Variants in OLA1 observed in about 807,000 individuals in gnomAD.
OLA1 encodes obg-like ATPase 1.
Under a neutral mutation model 48.4 loss-of-function variants are expected in OLA1, and 14 were observed. That is an observed-to-expected ratio of 0.29 (90% confidence interval 0.19 to 0.45). The LOEUF (loss-of-function observed/expected upper bound fraction) is 0.45. Among genes scored for constraint, OLA1 ranks in the 20% least tolerant of loss-of-function variants. OLA1 has a pLI of 1.00. For missense variants in OLA1, 325 were observed against 467.1 expected (o/e 0.70, Z 2.80); for synonymous variants, 127 against 150.4 (o/e 0.84, Z 1.14).
intron 8 of OLA1, among the ~76,000 whole-genome samples, 162 bp from the exon 9 acceptor site, chr2:174,081,410 GT>G (rs1684850609): frequency 6.6e-6 from 1 of 151,996 alleles, no homozygotes; most frequent in South Asian, 2.1e-4. Context: ...GCAAGTAACT[GT>G]TTTTAAAAAC....
intron 3 of OLA1, among the ~76,000 whole-genome samples, chr2:174,224,827 G>A (rs1688580157): frequency 6.6e-6 from 1 of 152,178 alleles, no homozygotes; most frequent in Non-Finnish European, 1.5e-5. Flanking sequence ...AGAGGGGAAA[G>A]AAGCCAGGCC....
At chr2:174,086,840 T>C (rs891708945) in intron 7 of OLA1, among the ~76,000 whole-genome samples, 1 of 152,148 alleles carries the variant, frequency 6.6e-6, no homozygotes, top group African/African-American at 2.4e-5. Flanking sequence ...AGACTGCGGT[T>C]GACAGCGGGA....
At chr2:174,136,427 T>G (rs1243729183) in intron 5 of OLA1, among the ~76,000 whole-genome samples, 1 of 152,212 alleles carries the variant, frequency 6.6e-6, no homozygotes, top group Non-Finnish European at 1.5e-5. Context: ...AGAAACCACT[T>G]TCTTTGCTCA....
At chr2:174,095,878 A>T (rs767558105) in intron 7 of OLA1, among the ~76,000 whole-genome samples, 16 of 152,162 alleles carry the variant, frequency 1.1e-4, no homozygotes, top group Non-Finnish European at 1.8e-4. Flanking sequence ...ATTTGAATAG[A>T]CAGGTCTCCC....
At chr2:174,217,503 G>C (rs1199331978) in intron 4 of OLA1, among the ~76,000 whole-genome samples, 2 of 152,102 alleles carry the variant, frequency 1.3e-5, no homozygotes, top group Non-Finnish European at 2.9e-5. Context: ...TATAAGAAAA[G>C]TTTTCTTTCC....
intron 4 of OLA1, among the ~76,000 whole-genome samples, chr2:174,194,304 A>G (rs1687836889): frequency 6.6e-6 from 1 of 152,178 alleles, no homozygotes; most frequent in Non-Finnish European, 1.5e-5. Context: ...GCCTTCACGG[A>G]CATCACAAAT....
chr2:174,218,603 T>G (rs912252261), intron 4 of OLA1, among the ~76,000 whole-genome samples: 1 of 152,200 alleles, frequency 6.6e-6, no homozygotes, highest in African/African-American at 2.4e-5. Context: ...CTGCACATAT[T>G]CAAACAAGAA....
At chr2:174,144,981 T>TATAA (rs1225168099) in intron 4 of OLA1, among the ~76,000 whole-genome samples, 15 of 108,102 alleles carry the variant, frequency 1.4e-4, no homozygotes, top group African/African-American at 3.7e-4. Flanking sequence ...TATATATATA[T>TATAA]AATCACGGAA....
Position 174,075,155 on chromosome 2 carries a change from T to C in OLA1, c.*271A>G, listed in dbSNP as rs1473812525. 3 of 329,678 alleles carry C rather than the reference T, an allele frequency of 9.1e-6. No individual in the cohort carries two copies. Among genetic ancestry groups the C allele is most frequent in the Admixed American group, 9.2e-5 (2 of 21,644 alleles). The allele number at this position is 329,678 out of a possible 1,614,324, so 20.4% of individuals were successfully genotyped here. ...CATGATGGAGATTAATGAAGTATCA[T>C]GAGAGTAATATGGTTCCTGAAAAGC... On this transcript the variant is annotated 3_prime_UTR_variant, in exon 11 of 11. Coordinates refer to ENST00000284719, the MANE Select transcript of OLA1 (RefSeq NM_013341.5).
intron 2 of OLA1, among the ~76,000 whole-genome samples, chr2:174,241,633 C>T (rs1413049882): frequency 2.0e-5 from 3 of 151,994 alleles, no homozygotes; most frequent in Non-Finnish European, 4.4e-5. Flanking sequence ...TCAGAGTAAT[C>T]GTTTTTTGTT....
chr2:174,124,730 A>G (rs1361147166), intron 5 of OLA1, among the ~76,000 whole-genome samples: 1 of 152,190 alleles, frequency 6.6e-6, no homozygotes, highest in Non-Finnish European at 1.5e-5. Context: ...AATTATTAGT[A>G]ATCAATTTCC....
chr2:174,203,465 CT>C (rs71021678), intron 4 of OLA1, among the ~76,000 whole-genome samples: 2,247 of 140,454 alleles, frequency 0.016, 22 homozygotes, highest in Non-Finnish European at 0.021. Context: ...TAGCTAACAT[CT>C]TTTTTTTTTT....
intron 7 of OLA1, among the ~76,000 whole-genome samples, chr2:174,105,193 A>G (rs1283267874): frequency 6.6e-6 from 1 of 151,996 alleles, no homozygotes; most frequent in African/African-American, 2.4e-5. Context: ...AATAGAAAAA[A>G]AAAGGTAGAA....
At position 174,171,752 on chromosome 2, in the gene OLA1, GGA is replaced by G. The variant is rs572623121; in HGVS notation, c.374-29754_374-29753del. ...CCAAACAGGCGTTTGATGGGCAGCA[GGA>G]GAGGAGAGTGGACTCCAGAGAGCCC... On this transcript the variant is annotated intron_variant, in intron 4 of 10. Coordinates refer to ENST00000284719, the MANE Select transcript of OLA1 (RefSeq NM_013341.5). The G allele has an allele frequency of 3.9e-5, 6 of 152,366 alleles. No homozygotes were observed. In the East Asian group the frequency reaches 1.2e-3, roughly 29 times the overall value. The allele number at this position is 152,366 out of a possible 1,614,324, so 9.4% of individuals were successfully genotyped here. A position where few individuals can be genotyped will look rare whatever the true frequency, so the allele number is the denominator to read the frequency against.
chr2:174,203,103 T>C (rs1688027065), intron 4 of OLA1, among the ~76,000 whole-genome samples: 1 of 152,040 alleles, frequency 6.6e-6, no homozygotes, highest in African/African-American at 2.4e-5. Context: ...TGTCATTTAC[T>C]GAAAAAAAAA....
intron 4 of OLA1, among the ~76,000 whole-genome samples, chr2:174,187,145 T>C (rs972817677): frequency 1.3e-5 from 2 of 152,192 alleles, no homozygotes; most frequent in African/African-American, 2.4e-5. Context: ...AGACACTCTA[T>C]TCAATTTTTA....
chr2:174,099,775 C>T (rs1685348946), intron 7 of OLA1, among the ~76,000 whole-genome samples: 1 of 152,118 alleles, frequency 6.6e-6, no homozygotes, highest in Admixed American at 6.5e-5. Context: ...GATTTCTGCT[C>T]TTAGTATCAA....
At chr2:174,211,211 T>A (rs923976815) in intron 4 of OLA1, among the ~76,000 whole-genome samples, 20 of 138,840 alleles carry the variant, frequency 1.4e-4, no homozygotes, top group Non-Finnish European at 1.5e-4. Flanking sequence ...ACACACTCTC[T>A]CTCTCTCTCT....
intron 4 of OLA1, among the ~76,000 whole-genome samples, chr2:174,175,296 T>TAAA (rs34692902): frequency 2.3e-5 from 3 of 132,762 alleles, no homozygotes; most frequent in Admixed American, 7.5e-5. Context: ...AAGACAGAAT[T>TAAA]AAAAAAAAAA....
Sources: allele counts gnomAD v4.1 joint callset (sites outside exome capture counted in the v4.1 genomes callset), GRCh38; gene constraint gnomAD v4.1.1; transcripts MANE v1.5; gene names NCBI Gene and HGNC (gene_info 2026-07-23, HGNC 2026-07-21).